TBC1D23: variants seen among roughly 807,000 people sequenced by gnomAD.
TBC1D23 encodes HCV non-structural protein 4A-transactivated protein 1.
TBC1D23 carries 55 observed loss-of-function variants against 91.4 expected under a neutral mutation model. That is an observed-to-expected ratio of 0.60 (90% CI 0.48 to 0.75). The LOEUF (loss-of-function observed/expected upper bound fraction) is 0.75. Among genes scored for constraint, TBC1D23 ranks in the 30% least tolerant of loss-of-function variants. The pLI is 0.00. For synonymous variants in TBC1D23, 289 were observed against 281.0 expected, an observed-to-expected ratio of 1.03 and a Z score of -0.28; for missense variants, 725 against 836.1, an observed-to-expected ratio of 0.87 and a Z score of 1.64.
In TBC1D23 at chr3:100,286,342, G is replaced by C. The variant is rs1379919732; in HGVS notation, c.476+2531G>C. Among the ~76,000 whole-genome samples the C allele has an allele frequency of 4.6e-5, 7 of 152,046 alleles. 1 individual carries two copies. The highest frequency in any genetic ancestry group is 3.2e-3 in the Middle Eastern group (1 of 316). On this transcript the variant is annotated intron_variant, in intron 4 of 18. Coordinates refer to ENST00000394144, the MANE Select transcript of TBC1D23 (RefSeq NM_001199198.3). ...TTAGGAACAGTGGGGAAAGACTTTT[G>C]CATTATGCTTTGTAACATACTGTGT...
chr3:100,295,209 AAAGT>A lies in TBC1D23; in HGVS notation c.725+4_725+7del. The A allele has an allele frequency of 6.3e-7, 1 of 1,599,376 alleles. No homozygotes were observed. The highest frequency in any genetic ancestry group is 8.5e-7 in the Non-Finnish European group (1 of 1,175,320). Reference sequence around the variant, plus strand: ...TAATGTTAATTATCCTTGTTAATGCAAAGTAAGTATCTGGTTGGTTAGATTTTTT... The same window carrying A: ...TAATGTTAATTATCCTTGTTAATGCAAAGTATCTGGTTGGTTAGATTTTTT... On this transcript the variant is annotated splice_donor_variant and coding_sequence_variant, in exon 6 of 19. Coordinates refer to ENST00000394144, the MANE Select transcript of TBC1D23 (RefSeq NM_001199198.3). LOFTEE classifies it high-confidence loss of function.
At position 100,279,737 on chromosome 3, in the gene TBC1D23, G is replaced by C. The variant is rs2148853938; in HGVS notation, c.142G>C (p.Asp48His). The C allele has an allele frequency of 1.2e-6, 2 of 1,600,566 alleles. No homozygotes were observed. Among genetic ancestry groups the C allele is most frequent in the Non-Finnish European group, 1.7e-6 (2 of 1,170,258 alleles). ...NIIQGRPLPA[D>H]LRAKVWKIAL... ...AATTCAAGGAAGACCGCTGCCTGCT[G>C]ATCTGAGGGCCAAAGTTTGGAAGGT... Residue 48 changes from aspartate (D) to histidine (H), a missense_variant, in exon 2 of 19, where the codon GAT becomes CAT. Transcript: ENST00000394144.
intron 13 of TBC1D23, 75 bp downstream of exon 13, chr3:100,306,618 C>A: frequency 1.2e-6 from 1 of 802,050 alleles, no homozygotes; most frequent in East Asian, 2.6e-5. Flanking sequence ...TAAACCCCCA[C>A]CATAACAGAA....
chr3:100,265,164 A>G (rs534303074), intron 1 of TBC1D23, among the ~76,000 whole-genome samples: 1 of 140,818 alleles, frequency 7.1e-6, no homozygotes, highest in African/African-American at 2.5e-5. Flanking sequence ...GGCTGATAAA[A>G]GGCAGGTGTC....
chr3:100,271,674 T>G (rs900652374), intron 1 of TBC1D23, among the ~76,000 whole-genome samples: 1 of 152,140 alleles, frequency 6.6e-6, no homozygotes, highest in Non-Finnish European at 1.5e-5. Flanking sequence ...TCTGGAGTCA[T>G]AAGTAAAGTC....
chr3:100,309,776 A>G (rs1705590395), intron 13 of TBC1D23, among the ~76,000 whole-genome samples: 2 of 151,856 alleles, frequency 1.3e-5, no homozygotes, highest in South Asian at 2.1e-4. Flanking sequence ...ACGCCCGGCT[A>G]ATTTTTGTAC....
intron 1 of TBC1D23, among the ~76,000 whole-genome samples, chr3:100,269,659 T>C (rs1166028993): frequency 6.6e-6 from 1 of 152,230 alleles, no homozygotes; most frequent in Admixed American, 6.5e-5. Context: ...TCTCTTTTCA[T>C]TTCTACCAAA....
chr3:100,283,772 A>C lies in TBC1D23; in HGVS notation c.437A>C (p.Tyr146Ser). 1 of 1,613,236 alleles carries C rather than the reference A, an allele frequency of 6.2e-7. No individual in the cohort carries two copies. The highest frequency in any genetic ancestry group is 8.5e-7 in the Non-Finnish European group (1 of 1,179,174). The stretch of plus-strand genomic sequence containing the variant: ...CTTCAACTGCCACGCAGCGATTTAT[A>C]CAACTGCTTTTATGCCATAATGAAT... ...VHLQLPRSDL[Y>S]NCFYAIMNKY... The change falls in exon 4 of 19, where the codon TAC (tyrosine) becomes TCC (serine). Residue 146 changes from tyrosine (Y) to serine (S), a missense_variant. Coordinates refer to ENST00000394144, the MANE Select transcript of TBC1D23 (RefSeq NM_001199198.3).
At chr3:100,312,927 G>A (rs756584446) in intron 15 of TBC1D23, among the ~76,000 whole-genome samples, 2 of 151,946 alleles carry the variant, frequency 1.3e-5, no homozygotes, top group Non-Finnish European at 2.9e-5. Context: ...TTGGAGGTGG[G>A]CGGATCACGA....
At chr3:100,313,073 AG>A (rs1705657395) in intron 15 of TBC1D23, among the ~76,000 whole-genome samples, 1 of 151,886 alleles carries the variant, frequency 6.6e-6, no homozygotes, top group African/African-American at 2.4e-5. Context: ...ATCTTCTAAG[AG>A]TTTTGATTTA....
intron 5 of TBC1D23, 61 bp downstream of exon 5, chr3:100,290,762 G>A (rs1327719914): frequency 1.5e-6 from 2 of 1,292,590 alleles, no homozygotes; most frequent in South Asian, 1.6e-5. Flanking sequence ...CTATAGTTAG[G>A]TGGGTTTTTT....
At chr3:100,266,683 A>G (rs1242491731) in intron 1 of TBC1D23, among the ~76,000 whole-genome samples, 2 of 152,204 alleles carry the variant, frequency 1.3e-5, no homozygotes, top group African/African-American at 2.4e-5. Context: ...ATGTATTTCA[A>G]TTAATTCATT....
chr3:100,261,717 T>C (rs548841189), intron 1 of TBC1D23, among the ~76,000 whole-genome samples: 18 of 152,348 alleles, frequency 1.2e-4, no homozygotes, highest in Admixed American at 5.2e-4. Context: ...AGCTGTTGCA[T>C]GCTTACCTGA....
chr3:100,296,377 GTTTC>G (rs2067840594), intron 8 of TBC1D23, 102 bp downstream of exon 8: 6 of 640,180 alleles, frequency 9.4e-6, no homozygotes, highest in South Asian at 2.7e-5. Flanking sequence ...AATTTTTTCT[GTTTC>G]TTTATGTGTT....
intron 1 of TBC1D23, among the ~76,000 whole-genome samples, chr3:100,275,867 A>G (rs545141236): frequency 1.3e-5 from 2 of 152,296 alleles, no homozygotes; most frequent in African/African-American, 4.8e-5. Flanking sequence ...TACATTATGG[A>G]TAGATGTTGA....
intron 10 of TBC1D23, among the ~76,000 whole-genome samples, chr3:100,299,899 T>C (rs1370057742): frequency 6.6e-6 from 1 of 152,240 alleles, no homozygotes; most frequent in Non-Finnish European, 1.5e-5. Flanking sequence ...CAGTAAATTC[T>C]GAACTTAGTT....
chr3:100,262,076 A>C (rs1050392987), intron 1 of TBC1D23, among the ~76,000 whole-genome samples: 36 of 152,382 alleles, frequency 2.4e-4, no homozygotes, highest in Admixed American at 3.3e-4. Flanking sequence ...ATTAGTAATT[A>C]AGAAATTCAG....
intron 1 of TBC1D23, among the ~76,000 whole-genome samples, chr3:100,264,755 G>C (rs1341003751): frequency 6.6e-6 from 1 of 152,176 alleles, no homozygotes; most frequent in Non-Finnish European, 1.5e-5. Context: ...AAAGGCTCAG[G>C]ATGGACCTTG....
At chr3:100,297,052 A>G (rs984160066) in intron 8 of TBC1D23, among the ~76,000 whole-genome samples, 1 of 152,140 alleles carries the variant, frequency 6.6e-6, no homozygotes, top group Non-Finnish European at 1.5e-5. Flanking sequence ...ACACCAGATT[A>G]GAAGTATGAG....
Sources: allele counts gnomAD v4.1 joint callset (sites outside exome capture counted in the v4.1 genomes callset), GRCh38; gene constraint gnomAD v4.1.1; transcripts MANE v1.5; gene names NCBI Gene and HGNC (gene_info 2026-07-23, HGNC 2026-07-21).